Variants in ATXN1 observed in about 807,000 individuals in gnomAD.
ATXN1 encodes ataxin-1.
Under a neutral mutation model 56.4 loss-of-function variants are expected in ATXN1, and 8 were observed. The ratio of observed to expected loss-of-function variants is 0.14; its 90% CI spans 0.08 to 0.26. The LOEUF (loss-of-function observed/expected upper bound fraction) is 0.26, where lower values mean the gene tolerates loss of function less well. ATXN1 is among the 10% of genes least tolerant of loss of function. The pLI is 1.00. For missense variants in ATXN1, 987 were observed against 1,106.5 expected, an observed-to-expected ratio of 0.89 and a Z score of 1.53; for synonymous variants, 514 against 494.6, an observed-to-expected ratio of 1.04 and a Z score of -0.52.
At chr6:16,705,404 G>GT (rs1759385568) in intron 2 of ATXN1, among the ~76,000 whole-genome samples, 1 of 152,166 alleles carries the variant, frequency 6.6e-6, no homozygotes, top group African/African-American at 2.4e-5. Flanking sequence ...CCCTGATCCA[G>GT]TAAGTCACGG....
intron 2 of ATXN1, among the ~76,000 whole-genome samples, chr6:16,673,623 T>C (rs147477726): frequency 8.5e-4 from 130 of 152,258 alleles, no homozygotes; most frequent in Non-Finnish European, 1.4e-3. Context: ...GGATATGATA[T>C]TGATTGATTG....
intron 7 of ATXN1, among the ~76,000 whole-genome samples, chr6:16,308,285 C>T (rs1401347153): frequency 1.3e-5 from 2 of 151,202 alleles, no homozygotes; most frequent in Non-Finnish European, 2.9e-5. Context: ...GAGATCATGC[C>T]ACTTCACTCC....
At chr6:16,581,816 C>T (rs1041139367) in intron 4 of ATXN1, among the ~76,000 whole-genome samples, 20 of 152,178 alleles carry the variant, frequency 1.3e-4, no homozygotes, top group African/African-American at 3.9e-4. Context: ...TGGTGCACCT[C>T]GATTCTTCCT....
intron 2 of ATXN1, among the ~76,000 whole-genome samples, chr6:16,732,395 AC>A (rs1413834827): frequency 6.6e-6 from 1 of 152,102 alleles, no homozygotes; most frequent in African/African-American, 2.4e-5. Flanking sequence ...ACATGGTGAA[AC>A]CCCGTCTCTA....
intron 5 of ATXN1, among the ~76,000 whole-genome samples, chr6:16,497,604 C>T (rs182408291): frequency 2.2e-4 from 33 of 152,292 alleles, no homozygotes; most frequent in African/African-American, 6.7e-4. Flanking sequence ...TGGGAAACGC[C>T]GTGCAAGTTC....
At chr6:16,640,100 T>C (rs1763680898) in intron 3 of ATXN1, among the ~76,000 whole-genome samples, 1 of 152,188 alleles carries the variant, frequency 6.6e-6, no homozygotes, top group Non-Finnish European at 1.5e-5. Context: ...GGCAACCCCG[T>C]GTCAAGCAAC....
intron 2 of ATXN1, among the ~76,000 whole-genome samples, chr6:16,702,944 C>T (rs1344888062): frequency 1.3e-5 from 2 of 152,032 alleles, no homozygotes; most frequent in Admixed American, 6.6e-5. Flanking sequence ...GGATCTAGAA[C>T]TAGAAATACC....
chr6:16,555,565 A>G (rs1293969747), intron 4 of ATXN1, among the ~76,000 whole-genome samples: 1 of 152,172 alleles, frequency 6.6e-6, no homozygotes, highest in African/African-American at 2.4e-5. Flanking sequence ...AAATCACATA[A>G]AAGAAAGTTT....
At chr6:16,553,647 C>T (rs956365298) in intron 4 of ATXN1, among the ~76,000 whole-genome samples, 1 of 152,094 alleles carries the variant, frequency 6.6e-6, no homozygotes, top group South Asian at 2.1e-4. Flanking sequence ...AAATAGAATC[C>T]GTGGTTCTGA....
intron 2 of ATXN1, among the ~76,000 whole-genome samples, chr6:16,662,543 A>G (rs1387407938): frequency 1.3e-5 from 2 of 152,236 alleles, no homozygotes; most frequent in African/African-American, 4.8e-5. Context: ...CATGTTGGCC[A>G]GGCTGGTCTT....
chr6:16,608,747 C>T (rs906666042), intron 3 of ATXN1, among the ~76,000 whole-genome samples: 1 of 152,188 alleles, frequency 6.6e-6, no homozygotes, highest in African/African-American at 2.4e-5. Context: ...GGGACCATTA[C>T]AGGGATACAG....
intron 2 of ATXN1, among the ~76,000 whole-genome samples, chr6:16,703,905 G>A (rs1247917869): frequency 6.6e-6 from 1 of 152,194 alleles, no homozygotes; most frequent in Non-Finnish European, 1.5e-5. Context: ...TGTAATCCCA[G>A]CTACCCGGGA....
intron 3 of ATXN1, among the ~76,000 whole-genome samples, chr6:16,595,102 T>A (rs1271248003): frequency 2.0e-5 from 3 of 152,236 alleles, no homozygotes; most frequent in Non-Finnish European, 4.4e-5. Context: ...GGAAATCATG[T>A]ACAAATATAA....
chr6:16,332,768 T>C (rs1761021097), intron 6 of ATXN1, among the ~76,000 whole-genome samples: 1 of 152,232 alleles, frequency 6.6e-6, no homozygotes, highest in Non-Finnish European at 1.5e-5. Context: ...TAAGCCGCTT[T>C]AGAGCTACAT....
At chr6:16,630,090 T>C (rs1210867873) in intron 3 of ATXN1, among the ~76,000 whole-genome samples, 1 of 152,164 alleles carries the variant, frequency 6.6e-6, no homozygotes, top group African/African-American at 2.4e-5. Flanking sequence ...ATAAATCATG[T>C]CTGTACGGGC....
Position 16,562,453 on chromosome 6 carries a change from AAGGAGAGGAG to A in ATXN1, c.-361+23317_-361+23326del, listed in dbSNP as rs60418833. 3.0e-3 allele frequency among the ~76,000 whole-genome samples: 347 copies of A among 114,688 alleles called. 1 individual carries two copies. The highest frequency in any genetic ancestry group is 0.019 in the Middle Eastern group (5 of 258). 75.2% of individuals were successfully genotyped at this position (114,688 alleles called of 152,430 possible). On this transcript the variant is annotated intron_variant, in intron 4 of 7. Coordinates refer to ENST00000436367, the MANE Select transcript of ATXN1 (RefSeq NM_001128164.2). Reference sequence around the variant, plus strand: ...AAGGAGAAGAAAAGAAAAGAAAGAAAAGGAGAGGAGAGGAGAGGAGAGGAGAGGAGAGGAA... The same window carrying A: ...AAGGAGAAGAAAAGAAAAGAAAGAAAAGGAGAGGAGAGGAGAGGAGAGGAA...
At chr6:16,358,815 C>A (rs1489008846) in intron 6 of ATXN1, among the ~76,000 whole-genome samples, 1 of 152,222 alleles carries the variant, frequency 6.6e-6, no homozygotes, top group East Asian at 1.9e-4. Flanking sequence ...CTTGGGGGAG[C>A]CTGGAACAGG....
At chr6:16,744,007 A>T (rs1006883151) in intron 2 of ATXN1, among the ~76,000 whole-genome samples, 11 of 152,198 alleles carry the variant, frequency 7.2e-5, no homozygotes, top group African/African-American at 2.2e-4. Context: ...GTTAAGAAAA[A>T]CAGAGATGTC....
chr6:16,366,636 C>T (rs1761926605), intron 6 of ATXN1, among the ~76,000 whole-genome samples: 1 of 151,800 alleles, frequency 6.6e-6, no homozygotes, highest in African/African-American at 2.4e-5. Context: ...CAAAAATTAG[C>T]CGGGCATGAT....
Sources: gnomAD v4.1 joint callset for allele counts (sites outside exome capture counted in the v4.1 genomes callset) on GRCh38, gnomAD v4.1.1 for gene constraint, MANE v1.5 for transcripts, NCBI Gene and HGNC (gene_info 2026-07-23, HGNC 2026-07-21) for gene names.